NBPF9: variants seen among roughly 807,000 people sequenced by gnomAD.
NBPF9 encodes the protein NBPF member 9.
Under a neutral mutation model 97.8 loss-of-function variants are expected in NBPF9, and 91 were observed. That is an observed-to-expected ratio of 0.93 (90% CI 0.79 to 1.11). The LOEUF is 1.11. Ranked by LOEUF, NBPF9 falls within the 50% of genes least tolerant of loss-of-function variation. The pLI is 0.00. For synonymous variants in NBPF9, 334 were observed against 359.5 expected (o/e 0.93, Z 0.80); for missense variants, 992 against 939.5 (o/e 1.06, Z -0.73).
At position 149,061,545 on chromosome 1, in the gene NBPF9, C is replaced by G. The variant is rs1415083508; in HGVS notation, c.2252-162G>C. On this transcript the variant is annotated intron_variant, in intron 22 of 29. Coordinates refer to ENST00000584027, the Ensembl canonical transcript of NBPF9. ...AAGCCTGAAAGCTGGTCATGATATTCTTTGGTTTGCATCTCAGAACCAAGG... is the reference window on the plus strand; with the variant it reads ...AAGCCTGAAAGCTGGTCATGATATTGTTTGGTTTGCATCTCAGAACCAAGG... The G allele has an allele frequency of 7.4e-5, 29 of 394,106 alleles. 2 individuals carry two copies. Among genetic ancestry groups the G allele is most frequent in the African/African-American group, 6.9e-4 (26 of 37,926 alleles). 24.4% of individuals were successfully genotyped at this position (394,106 alleles called of 1,614,324 possible). A position where few individuals can be genotyped will look rare whatever the true frequency, so the allele number is the denominator to read the frequency against.
chr1:149,083,100 G>A (rs146028816), intron 5 of NBPF9, among the ~76,000 whole-genome samples: 17 of 151,050 alleles, frequency 1.1e-4, no homozygotes, highest in South Asian at 4.2e-4. Context: ...GAGCCACCGC[G>A]CCCGGCCGAC....
intron 21 of NBPF9, 102 bp downstream of exon 21, chr1:149,062,760 C>G (rs1468056492): frequency 1.3e-6 from 1 of 775,194 alleles, no homozygotes; most frequent in Non-Finnish European, 2.3e-6. Flanking sequence ...AGTAATTCAA[C>G]CTCCGTTGAA....
chr1:149,061,989 G>A (rs587709004), intron 22 of NBPF9, 104 bp downstream of exon 22: 1 of 659,382 alleles, frequency 1.5e-6, no homozygotes, highest in Non-Finnish European at 2.7e-6. Context: ...TCCTGCCTGT[G>A]GCAATGACAT....
chr1:149,071,220 C>G, intron 15 of NBPF9, 81 bp from the exon 16 acceptor site: 1 of 1,160,458 alleles, frequency 8.6e-7, no homozygotes, highest in East Asian at 2.4e-5. Context: ...CTGGTTTTGA[C>G]AGGCGGCATT....
intron 12 of NBPF9, among the ~76,000 whole-genome samples, chr1:149,074,893 C>A (rs2079724928): frequency 6.6e-6 from 1 of 151,266 alleles, no homozygotes; most frequent in South Asian, 2.1e-4. Context: ...CTCACTGCAA[C>A]CTCAGCCTCC....
chr1:149,077,410 C>A, exon 11 of NBPF9: 1 of 1,609,648 alleles, frequency 6.2e-7, no homozygotes, highest in East Asian at 2.2e-5. Context: ...CTTCAGCCTT[C>A]TGCACCTCCC....
intron 4 of NBPF9, among the ~76,000 whole-genome samples, chr1:149,095,838 TC>T (rs1451731067): frequency 1.3e-5 from 2 of 151,850 alleles, no homozygotes; most frequent in African/African-American, 2.4e-5. Flanking sequence ...ACCAGAACTC[TC>T]CATAGCTAGT....
chr1:149,068,089 C>A (rs1328859622), intron 17 of NBPF9, among the ~76,000 whole-genome samples: 4 of 147,358 alleles, frequency 2.7e-5, no homozygotes, highest in African/African-American at 1.0e-4. Context: ...CAGATTTTGT[C>A]ACCACCAGGC....
intron 21 of NBPF9, 105 bp downstream of exon 21, chr1:149,062,757 C>G: frequency 1.3e-6 from 1 of 774,588 alleles, no homozygotes; most frequent in East Asian, 2.4e-5. Flanking sequence ...AGGAGTAATT[C>G]AACCTCCGTT....
rs1196023109 is a variant in NBPF9 at position 149,079,512 on chromosome 1, G to T, written c.279-291C>A. 2.7e-5 allele frequency among the ~76,000 whole-genome samples: 4 copies of T among 150,346 alleles called. No individual in the cohort carries two copies. The South Asian group carries it at 8.6e-4, about 32-fold the overall frequency. The stretch of plus-strand genomic sequence containing the variant: ...TCCCTTTCAGAAAGACATCTTTTCA[G>T]TTCCTCACTCTGGCCATGGACATTT... On this transcript the variant is annotated intron_variant, in intron 8 of 29. Transcript: ENST00000584027.
At chr1:149,061,902 C>G (rs2078618223) in intron 22 of NBPF9, 191 bp downstream of exon 22, 1 of 451,626 alleles carries the variant, frequency 2.2e-6, no homozygotes. Context: ...GGAATGGAGC[C>G]TTGCTCACTG....
At chr1:149,076,034 C>T (rs1423802680) in intron 11 of NBPF9, among the ~76,000 whole-genome samples, 170 bp from the exon 12 acceptor site, 2 of 152,038 alleles carry the variant, frequency 1.3e-5, no homozygotes, top group South Asian at 2.1e-4. Context: ...GTCAACTTGT[C>T]TTAGCTATGC....
At chr1:149,103,129 G>C (rs28719162) in intron 1 of NBPF9, among the ~76,000 whole-genome samples, 172 bp downstream of exon 1, 4,745 of 151,550 alleles carry the variant, frequency 0.031, 115 homozygotes, top group Non-Finnish European at 0.047. Flanking sequence ...GCGAGGAATC[G>C]AACGCATGGA....
exon 22 of NBPF9, chr1:149,062,109 C>T (rs782114743): frequency 6.7e-6 from 8 of 1,195,350 alleles, no homozygotes; most frequent in Non-Finnish European, 9.8e-6. Flanking sequence ...AGTCAAGAGC[C>T]AAGCCAAGGT....
At chr1:149,082,635 A>T (rs2080580802) in intron 5 of NBPF9, among the ~76,000 whole-genome samples, 1 of 140,432 alleles carries the variant, frequency 7.1e-6, no homozygotes, top group Non-Finnish European at 1.5e-5. Context: ...TTCCCAATAC[A>T]TCTAAGCATA....
In NBPF9 at chr1:149,077,959, G is replaced by T. The variant is rs1186056450; in HGVS notation, c.494-4C>A. The T allele has an allele frequency of 0.95, 1,440,107 of 1,516,320 alleles. 686,299 individuals carry two copies. The highest frequency in any genetic ancestry group is 1 in the East Asian group (44,435 of 44,456). 93.9% of individuals were successfully genotyped at this position (1,516,320 alleles called of 1,614,324 possible). A position where few individuals can be genotyped will look rare whatever the true frequency, so the allele number is the denominator to read the frequency against. On this transcript the variant is annotated splice_region_variant and splice_polypyrimidine_tract_variant and intron_variant, in intron 9 of 29. Coordinates refer to ENST00000584027, the Ensembl canonical transcript of NBPF9. ...TCATCCTCATCTTCGTCATTTTCTA[G>T]AAATACAAAATGTTCATTCAGATAT...
chr1:149,083,198 C>T (rs1228256916), intron 5 of NBPF9, among the ~76,000 whole-genome samples: 1 of 141,822 alleles, frequency 7.1e-6, no homozygotes, highest in African/African-American at 2.6e-5. Context: ...AAGTAATATC[C>T]TATTGATTGT....
At chr1:149,089,734 CTGT>C (rs1178722718) in intron 5 of NBPF9, among the ~76,000 whole-genome samples, 1 of 152,310 alleles carries the variant, frequency 6.6e-6, no homozygotes, top group Non-Finnish European at 1.5e-5. Context: ...TTATTTTCAA[CTGT>C]TGTTCCAACA....
At chr1:149,075,765 T>C in exon 12 of NBPF9, 1 of 1,585,254 alleles carries the variant, frequency 6.3e-7, no homozygotes, top group Non-Finnish European at 8.7e-7. Flanking sequence ...GCGCAATTTC[T>C]CATTGATTTC....
Sources: gnomAD v4.1 joint callset for allele counts (sites outside exome capture counted in the v4.1 genomes callset) on GRCh38, gnomAD v4.1.1 for gene constraint, MANE v1.5 for transcripts, NCBI Gene and HGNC (gene_info 2026-07-23, HGNC 2026-07-21) for gene names.